The following EBF2 variants were observed in gnomAD, a reference collection of about 807,000 sequenced individuals.
EBF2 encodes the protein EBF transcription factor 2, also known as transcription factor COE2.
In EBF2, 21 loss-of-function variants were observed where a neutral mutation model predicts 72.8. The ratio of observed to expected loss-of-function variants is 0.29; its 90% CI spans 0.20 to 0.42. EBF2 has a LOEUF of 0.42. Among genes scored for constraint, EBF2 ranks in the 10% least tolerant of loss-of-function variants. The pLI is 1.00. For synonymous variants in EBF2, 299 were observed against 274.2 expected (o/e 1.09, Z -0.89); for missense variants, 637 against 731.2 (o/e 0.87, Z 1.49).
At position 25,870,300 on chromosome 8, in the gene EBF2, G is replaced by A. The variant is rs4288386; in HGVS notation, c.1010-7503C>T. On this transcript the variant is annotated intron_variant, in intron 10 of 15. Transcript: ENST00000520164. ...TTTGTTAGCCAAAGTGCAGATTTTC[G>A]TAGAGAAAACAGGAAAATTATTGAT... Among the ~76,000 whole-genome samples the A allele has an allele frequency of 3.3e-3, 503 of 151,606 alleles. 3 individuals carry two copies. The highest frequency in any genetic ancestry group is 0.014 in the Middle Eastern group (4 of 292).
At chr8:25,994,577 A>G (rs1804593321) in intron 6 of EBF2, among the ~76,000 whole-genome samples, 1 of 152,248 alleles carries the variant, frequency 6.6e-6, no homozygotes, top group Non-Finnish European at 1.5e-5. Context: ...AAAAGGTGGT[A>G]CATATACACT....
At chr8:25,860,008 C>G (rs374419910) in intron 13 of EBF2, among the ~76,000 whole-genome samples, 71 of 152,016 alleles carry the variant, frequency 4.7e-4, no homozygotes, top group Non-Finnish European at 8.1e-4. Context: ...TGAGCCACCA[C>G]ACCCGGCTCA....
At chr8:26,024,584 TA>T (rs1460140986) in intron 6 of EBF2, among the ~76,000 whole-genome samples, 1 of 152,178 alleles carries the variant, frequency 6.6e-6, no homozygotes, top group African/African-American at 2.4e-5. Context: ...TAAGAGGTTG[TA>T]GAATGCAGGA....
chr8:25,937,650 T>C (rs1403485028), intron 6 of EBF2, among the ~76,000 whole-genome samples: 1 of 152,168 alleles, frequency 6.6e-6, no homozygotes, highest in East Asian at 1.9e-4. Context: ...GTGGCATAGA[T>C]GTTCTTTGTC....
chr8:26,002,360 C>T (rs143651935), intron 6 of EBF2, among the ~76,000 whole-genome samples: 350 of 152,328 alleles, frequency 2.3e-3, no homozygotes, highest in African/African-American at 7.7e-3. Context: ...ACTTTGTCAT[C>T]GTTAAGAGTA....
intron 6 of EBF2, among the ~76,000 whole-genome samples, chr8:26,010,879 A>G (rs1231096991): frequency 1.3e-5 from 2 of 152,178 alleles, no homozygotes; most frequent in East Asian, 1.9e-4. Flanking sequence ...ATATTGACAA[A>G]TATGGGCACC....
At chr8:25,912,288 G>A (rs56318170) in intron 6 of EBF2, among the ~76,000 whole-genome samples, 19,326 of 152,072 alleles carry the variant, frequency 0.13, 1,943 homozygotes, top group African/African-American at 0.27. Flanking sequence ...GTGGCAACAA[G>A]CTCCATGTGG....
At chr8:25,968,923 C>CTTAG in intron 6 of EBF2, among the ~76,000 whole-genome samples, 1 of 150,672 alleles carries the variant, frequency 6.6e-6, no homozygotes, top group Non-Finnish European at 1.5e-5. Flanking sequence ...CAATAATGTA[C>CTTAG]TTAGCACTAC....
intron 5 of EBF2, among the ~76,000 whole-genome samples, chr8:26,033,697 G>A (rs1481712345): frequency 6.6e-6 from 1 of 151,968 alleles, no homozygotes; most frequent in Non-Finnish European, 1.5e-5. Context: ...CGTGGCACAT[G>A]TTTACCTGTG....
chr8:26,027,905 T>C (rs1805326918), intron 6 of EBF2, among the ~76,000 whole-genome samples: 1 of 151,950 alleles, frequency 6.6e-6, no homozygotes, highest in Admixed American at 6.6e-5. Flanking sequence ...GTGTCTAGAG[T>C]AGTCAACTTC....
intron 6 of EBF2, among the ~76,000 whole-genome samples, chr8:25,976,336 G>T (rs528561127): frequency 6.6e-6 from 1 of 152,262 alleles, no homozygotes; most frequent in South Asian, 2.1e-4. Context: ...CCAATAGATG[G>T]TTATTAAGCA....
intron 15 of EBF2, among the ~76,000 whole-genome samples, 182 bp downstream of exon 15, chr8:25,850,412 C>T (rs1801938537): frequency 2.0e-5 from 3 of 152,210 alleles, no homozygotes; most frequent in Admixed American, 1.3e-4. Flanking sequence ...CCATGCCTGG[C>T]CCCATCTTGC....
rs867991125 is a variant in EBF2, at chr8:25,936,358, A to G, written c.552-27803T>C. On this transcript the variant is annotated intron_variant, in intron 6 of 15. Transcript: ENST00000520164. ...GGACGTGGGCTGCAGTTCTAAGGCA[A>G]ACAGGAAAGCAGGCACCACTTTTTA... is the stretch of plus-strand genomic sequence containing the variant. Among the ~76,000 whole-genome samples the G allele has an allele frequency of 2.0e-5, 3 of 152,310 alleles. No homozygotes were observed. The South Asian group carries it at 6.2e-4, about 32-fold the overall frequency.
chr8:26,028,124 T>C (rs908810119), intron 6 of EBF2, among the ~76,000 whole-genome samples: 1 of 152,236 alleles, frequency 6.6e-6, no homozygotes, highest in Admixed American at 6.5e-5. Flanking sequence ...AAATTTTATA[T>C]GTATTTTACC....
At chr8:25,869,109 C>G (rs17054501) in intron 10 of EBF2, among the ~76,000 whole-genome samples, 17,711 of 152,222 alleles carry the variant, frequency 0.12, 1,103 homozygotes, top group Middle Eastern at 0.17. Context: ...CACAACTTTT[C>G]CCATCTTGCA....
intron 10 of EBF2, among the ~76,000 whole-genome samples, chr8:25,878,142 C>T (rs768963857): frequency 1.3e-5 from 2 of 152,176 alleles, no homozygotes; most frequent in Non-Finnish European, 2.9e-5. Flanking sequence ...GTCCTCCTCT[C>T]GGGACCCGTC....
rs878921958 is a variant in EBF2, at chr8:26,040,891, G to A, written c.352+48C>T. 2.5e-6 allele frequency: 4 copies of A among 1,611,716 alleles called. No homozygotes were observed. The African/African-American group carries it at 4.0e-5, about 16-fold the overall frequency. Reference sequence around the variant, plus strand: ...TGGCAAGGTCAGCGCGTGCGGCCCGGAAGCCGGCTGCTAGGCGCCGGCTCA... The same window carrying A: ...TGGCAAGGTCAGCGCGTGCGGCCCGAAAGCCGGCTGCTAGGCGCCGGCTCA... On this transcript the variant is annotated intron_variant, in intron 3 of 15. Transcript: ENST00000520164.
At chr8:25,882,596 T>G (rs2117285351) in intron 10 of EBF2, among the ~76,000 whole-genome samples, 1 of 152,346 alleles carries the variant, frequency 6.6e-6, no homozygotes, top group South Asian at 2.1e-4. Flanking sequence ...GAGCCAGTTG[T>G]TAAACCTTTG....
chr8:25,885,722 G>A (rs1274982798), intron 10 of EBF2, among the ~76,000 whole-genome samples: 6 of 152,160 alleles, frequency 3.9e-5, no homozygotes, highest in South Asian at 2.1e-4. Context: ...TCATTCTCTC[G>A]TCTGTCACCA....
Sources: gnomAD v4.1 joint callset for allele counts (sites outside exome capture counted in the v4.1 genomes callset) on GRCh38, gnomAD v4.1.1 for gene constraint, MANE v1.5 for transcripts, NCBI Gene and HGNC (gene_info 2026-07-23, HGNC 2026-07-21) for gene names.